The following SLFN12L variants were observed in gnomAD, a reference collection of about 807,000 sequenced individuals.
SLFN12L encodes schlafen family member 12 like, also known as schlafen family member 12-like.
A neutral mutation model predicts 34.8 loss-of-function variants in SLFN12L; 34 were observed. The ratio of observed to expected loss-of-function variants is 0.98; its 90% CI spans 0.74 to 1.30. The LOEUF is 1.30. SLFN12L is among the 50% of genes most tolerant of loss of function. The pLI is 0.00. For missense variants in SLFN12L, 703 were observed against 696.2 expected, an observed-to-expected ratio of 1.01 and a Z score of -0.11; for synonymous variants, 259 against 247.5, an observed-to-expected ratio of 1.05 and a Z score of -0.44.
rs1567638520 is a variant in SLFN12L at position 35,474,237 on chromosome 17, G to C, written c.*686C>G. The C allele has an allele frequency of 6.6e-6, 1 of 152,202 alleles. No individual in the cohort carries two copies. The highest frequency in any genetic ancestry group is 6.5e-5 in the Admixed American group (1 of 15,278). The allele number at this position is 152,202 out of a possible 1,614,324, so 9.4% of individuals were successfully genotyped here. Reference sequence around the variant, plus strand: ...TTCATTGCAATATAGTTTTCAAGAAGATATTAGAGAACTATGTTTTCCATG... The same window carrying C: ...TTCATTGCAATATAGTTTTCAAGAACATATTAGAGAACTATGTTTTCCATG... On this transcript the variant is annotated 3_prime_UTR_variant, in exon 5 of 5. Transcript: ENST00000628453.
rs144219691 is a variant in SLFN12L at position 35,467,685 on chromosome 17, A to AC, written c.*7237dup. Among the ~76,000 whole-genome samples the AC allele has an allele frequency of 0.28, 42,700 of 150,878 alleles. 6,135 individuals are homozygous for AC. Among genetic ancestry groups the AC allele is most frequent in the Middle Eastern group, 0.38 (111 of 294 alleles). ...TATTTTTATAGATTTTCAATATCAA[A>AC]CCCCCCCCATCAGGAGGCCACAGCA... On this transcript the variant is annotated 3_prime_UTR_variant, in exon 5 of 5. Coordinates refer to ENST00000628453, the MANE Select transcript of SLFN12L (RefSeq NM_001363830.2).
chr17:35,476,105 G>A (rs935606116), intron 4 of SLFN12L, among the ~76,000 whole-genome samples: 5 of 151,808 alleles, frequency 3.3e-5, no homozygotes, highest in African/African-American at 1.2e-4. Context: ...TCACAGCATG[G>A]GTAAATAGAG....
At chr17:35,496,021 C>T (rs966528614) in intron 2 of SLFN12L, among the ~76,000 whole-genome samples, 1 of 151,808 alleles carries the variant, frequency 6.6e-6, no homozygotes, top group African/African-American at 2.4e-5. Flanking sequence ...AAACCGAGAC[C>T]GATGCTGAGG....
At chr17:35,531,779 G>A (rs1256186426) in intron 1 of SLFN12L, among the ~76,000 whole-genome samples, 1 of 151,840 alleles carries the variant, frequency 6.6e-6, no homozygotes, top group Non-Finnish European at 1.5e-5. Flanking sequence ...ACCACGCCTG[G>A]CTAACTTTTT....
At chr17:35,534,188 C>T (rs913361634) in intron 1 of SLFN12L, among the ~76,000 whole-genome samples, 20 of 151,892 alleles carry the variant, frequency 1.3e-4, no homozygotes, top group Non-Finnish European at 4.4e-5. Flanking sequence ...CGGTGAAACC[C>T]CATCTCTACT....
chr17:35,478,006 C>A, intron 4 of SLFN12L, 69 bp downstream of exon 4: 1 of 910,612 alleles, frequency 1.1e-6, no homozygotes, highest in Non-Finnish European at 1.7e-6. Flanking sequence ...CAAGACAGAG[C>A]TGGTTTGAAG....
At chr17:35,502,412 T>C (rs12947921) in intron 2 of SLFN12L, among the ~76,000 whole-genome samples, 1,761 of 41,972 alleles carry the variant, frequency 0.042, 59 homozygotes, top group African/African-American at 0.14. Flanking sequence ...AGAAGTATCC[T>C]AAGGAAAAAA....
rs761002936 is a variant in SLFN12L, at chr17:35,479,627, T to C, written c.655A>G (p.Met219Val). The part of the protein sequence containing the change: ...ACVDVQEESN[M>V]EALAADFFNR... Reference sequence around the variant, plus strand: ...AAAAAATCAGCAGCCAAGGCTTCCATGTTACTTTCTTCTTGTACATCAACA... The same window carrying C: ...AAAAAATCAGCAGCCAAGGCTTCCACGTTACTTTCTTCTTGTACATCAACA... Residue 219 changes from methionine to valine, a missense_variant, in exon 3 of 5, where the codon ATG becomes GTG. Physicochemically the swap from Met to Val is conservative, Grantham distance 21 (BLOSUM62 1). Coordinates refer to ENST00000628453, the MANE Select transcript of SLFN12L (RefSeq NM_001363830.2). 16 of 1,611,330 alleles carry C rather than the reference T, an allele frequency of 9.9e-6. No individual in the cohort carries two copies. The South Asian group carries it at 1.3e-4, about 13-fold the overall frequency.
chr17:35,494,737 G>T lies in SLFN12L; in HGVS notation c.87-14542C>A, dbSNP rs985161572. Among the ~76,000 whole-genome samples the T allele has an allele frequency of 1.4e-4, 22 of 152,238 alleles. No homozygotes were observed. The South Asian group carries it at 4.3e-3, about 30-fold the overall frequency. On this transcript the variant is annotated intron_variant, in intron 2 of 4. Coordinates refer to ENST00000628453, the MANE Select transcript of SLFN12L (RefSeq NM_001363830.2). Reference sequence around the variant, plus strand: ...GCAAGCTGGAGCAGGGGAGGGAGGGGCTTCTGTGGTGGGAGGACTGGTTCA... The same window carrying T: ...GCAAGCTGGAGCAGGGGAGGGAGGGTCTTCTGTGGTGGGAGGACTGGTTCA...
Position 35,480,145 on chromosome 17 carries a change from C to T in SLFN12L, c.137G>A (p.Ser46Asn), listed in dbSNP as rs181215827. 4.1e-5 allele frequency: 66 copies of T among 1,606,980 alleles called. 1 individual carries two copies. In the Middle Eastern group the frequency reaches 4.3e-3, roughly 105 times the overall value. The change falls in exon 3 of 5, where the codon AGT becomes AAT. Residue 46 changes from serine to asparagine, a missense_variant. Coordinates refer to ENST00000628453, the MANE Select transcript of SLFN12L (RefSeq NM_001363830.2). ...NGLAAGKMNI[S>N]IDLDTNYAEL... The stretch of plus-strand genomic sequence containing the variant: ...AGCATAGTTTGTGTCTAAATCAATA[C>T]TGATGTTCATTTTCCCAGCAGCTAA...
intron 2 of SLFN12L, among the ~76,000 whole-genome samples, chr17:35,508,193 A>G (rs1388456966): frequency 6.6e-6 from 1 of 152,006 alleles, no homozygotes; most frequent in African/African-American, 2.4e-5. Context: ...ATCAATCACG[A>G]CCCTTTCATG....
intron 2 of SLFN12L, among the ~76,000 whole-genome samples, chr17:35,489,640 G>C (rs1914751880): frequency 6.6e-6 from 1 of 152,082 alleles, no homozygotes. Flanking sequence ...TTTACTCTCG[G>C]TATCCAAGAG....
chr17:35,523,366 C>T (rs558661174), intron 1 of SLFN12L, among the ~76,000 whole-genome samples: 38 of 152,298 alleles, frequency 2.5e-4, no homozygotes, highest in South Asian at 8.3e-4. Context: ...CTGAACAGTC[C>T]CCACTAATGG....
intron 2 of SLFN12L, among the ~76,000 whole-genome samples, chr17:35,501,990 A>C (rs1437717805): frequency 6.6e-6 from 1 of 152,020 alleles, no homozygotes; most frequent in Non-Finnish European, 1.5e-5. Flanking sequence ...AGAGGGAGTC[A>C]AGAAGAGAGA....
rs1318930542 is a variant in SLFN12L at position 35,521,864 on chromosome 17, ACT to A, written c.86+413_86+414del. Among the ~76,000 whole-genome samples, 6 of 152,098 alleles carry A rather than the reference ACT, an allele frequency of 3.9e-5. No individual in the cohort carries two copies. The East Asian group carries it at 1.2e-3, about 29-fold the overall frequency. Reference sequence around the variant, plus strand: ...ACTCCAGCCTGGGTGACAGAGCAAGACTCTGTCTCAAGAAAATGAAAAATGAC... The same window carrying A: ...ACTCCAGCCTGGGTGACAGAGCAAGACTGTCTCAAGAAAATGAAAAATGAC... On this transcript the variant is annotated intron_variant, in intron 2 of 4. Transcript: ENST00000628453.
intron 2 of SLFN12L, among the ~76,000 whole-genome samples, chr17:35,483,304 G>A (rs575555376): frequency 9.2e-5 from 14 of 152,236 alleles, no homozygotes; most frequent in African/African-American, 2.2e-4. Flanking sequence ...GCTCATCTTC[G>A]TCTTGTTCAC....
chr17:35,478,122 C>T lies in SLFN12L; in HGVS notation c.1229G>A (p.Arg410His), dbSNP rs752176921. 69 of 1,545,026 alleles carry T rather than the reference C, an allele frequency of 4.5e-5. No homozygotes were observed. The Admixed American group carries it at 7.3e-4, about 16-fold the overall frequency. ...CTGAATTTTGAAGTTAATATATTCA[C>T]GAAGAGGATAACTCTGGGAGACAGG... ...SSPVSQSYPL[R>H]EYINFKIQPL... The change falls in exon 4 of 5, where the codon CGT (arginine) becomes CAT (histidine). Residue 410 changes from arginine to histidine, a missense_variant. Physicochemically the swap from Arg to His is conservative, Grantham distance 29. Transcript: ENST00000628453.
chr17:35,470,394 ACAGGCT>A lies in SLFN12L; in HGVS notation c.*4523_*4528del, dbSNP rs1163037445. On this transcript the variant is annotated 3_prime_UTR_variant, in exon 5 of 5. Coordinates refer to ENST00000628453, the MANE Select transcript of SLFN12L (RefSeq NM_001363830.2). ...TAAATGCGCCTGTAAGTTCCAGATA[ACAGGCT>A]CTTGTCATTTTCCCAATCTTTCCTC... is the stretch of plus-strand genomic sequence containing the variant. 6.4e-6 allele frequency: 1 copy of A among 155,356 alleles called. No individual in the cohort carries two copies. The highest frequency in any genetic ancestry group is 1.4e-5 in the Non-Finnish European group (1 of 70,054). 9.6% of individuals were successfully genotyped at this position (155,356 alleles called of 1,614,324 possible).
intron 1 of SLFN12L, among the ~76,000 whole-genome samples, chr17:35,534,875 G>A (rs780876551): frequency 4.6e-5 from 7 of 152,278 alleles, no homozygotes; most frequent in East Asian, 1.9e-4. Context: ...CAAGGCCTGG[G>A]ATCAAGAGTT....
Sources: allele counts gnomAD v4.1 joint callset (sites outside exome capture counted in the v4.1 genomes callset), GRCh38; gene constraint gnomAD v4.1.1; transcripts MANE v1.5; gene names NCBI Gene and HGNC (gene_info 2026-07-23, HGNC 2026-07-21).